KIF16B: variants seen among roughly 807,000 people sequenced by gnomAD.
KIF16B encodes the protein kinesin family member 16B.
A neutral mutation model predicts 156.3 loss-of-function variants in KIF16B; 98 were observed. That is an observed-to-expected ratio of 0.63 (90% CI 0.53 to 0.74). The LOEUF is 0.74. Among genes scored for constraint, KIF16B ranks in the 30% least tolerant of loss-of-function variants. The pLI is 0.00. For synonymous variants in KIF16B, 564 were observed against 583.7 expected (o/e 0.97, Z 0.49); for missense variants, 1,421 against 1,606.5 (o/e 0.88, Z 1.97).
At chr20:16,294,238 C>T (rs1282626737) in intron 25 of KIF16B, among the ~76,000 whole-genome samples, 2 of 152,140 alleles carry the variant, frequency 1.3e-5, no homozygotes, top group African/African-American at 4.8e-5. Context: ...AACACATGCA[C>T]AGAAAAACAG....
intron 3 of KIF16B, among the ~76,000 whole-genome samples, chr20:16,520,217 G>A (rs183217570): frequency 6.6e-6 from 1 of 152,002 alleles, no homozygotes; most frequent in Non-Finnish European, 1.5e-5. Flanking sequence ...AAGCCAGGGA[G>A]CCAAGTGGTC....
intron 12 of KIF16B, among the ~76,000 whole-genome samples, chr20:16,464,699 C>T (rs2067439004): frequency 6.6e-6 from 1 of 152,288 alleles, no homozygotes; most frequent in East Asian, 1.9e-4. Context: ...CAGGCATATA[C>T]TCCAAGTTCC....
rs533061414 is a variant in KIF16B, at chr20:16,488,634, T to A, written c.1302+5657A>T. Among the ~76,000 whole-genome samples the A allele has an allele frequency of 3.3e-5, 5 of 152,260 alleles. No individual in the cohort carries two copies. The East Asian group carries it at 9.7e-4, about 29-fold the overall frequency. ...TACACAGGGCAGGGGGATTGAGTAG[T>A]CACTTTGTAAACCACTTCAAACACC... On this transcript the variant is annotated intron_variant, in intron 12 of 25. Transcript: ENST00000354981.
intron 25 of KIF16B, among the ~76,000 whole-genome samples, chr20:16,305,111 T>C (rs1208353736): frequency 6.6e-6 from 1 of 152,124 alleles, no homozygotes. Context: ...ACAATGCCTA[T>C]AAACTCTGGG....
At position 16,440,530 on chromosome 20, in the gene KIF16B, C is replaced by T. The variant is rs545220628; in HGVS notation, c.1303-10548G>A. Among the ~76,000 whole-genome samples, 196 of 87,684 alleles carry T rather than the reference C, an allele frequency of 2.2e-3. 1 individual carries two copies. Among genetic ancestry groups the T allele is most frequent in the African/African-American group, 6.0e-3 (121 of 20,094 alleles). 57.5% of individuals were successfully genotyped at this position (87,684 alleles called of 152,430 possible). A position where few individuals can be genotyped will look rare whatever the true frequency, so the allele number is the denominator to read the frequency against. Reference sequence around the variant, plus strand: ...TACCTATGGTTAAAACACACAAGCGCGCGCACACACACACACACACACACA... The same window carrying T: ...TACCTATGGTTAAAACACACAAGCGTGCGCACACACACACACACACACACA... On this transcript the variant is annotated intron_variant, in intron 12 of 25. Transcript: ENST00000354981.
rs144488274 is a variant in KIF16B at position 16,439,236 on chromosome 20, C to T, written c.1303-9254G>A. Among the ~76,000 whole-genome samples, 485 of 152,280 alleles carry T rather than the reference C, an allele frequency of 3.2e-3. 3 individuals carry two copies. The highest frequency in any genetic ancestry group is 0.02 in the East Asian group (106 of 5,172). On this transcript the variant is annotated intron_variant, in intron 12 of 25. Coordinates refer to ENST00000354981, the MANE Select transcript of KIF16B (RefSeq NM_024704.5). ...ACTGCTACTGCCCTGGTCCCAGTAA[C>T]CTTCACAGCCTGCCTGAATCTCTGA...
intron 17 of KIF16B, among the ~76,000 whole-genome samples, chr20:16,391,570 C>T (rs903537241): frequency 6.6e-6 from 1 of 152,180 alleles, no homozygotes; most frequent in Non-Finnish European, 1.5e-5. Context: ...ACATTCAGGA[C>T]AGAGCTGCAT....
chr20:16,379,484 C>T lies in KIF16B; in HGVS notation c.2518G>A (p.Glu840Lys). The change falls in exon 19 of 26, where the codon GAG (glutamate) becomes AAG (lysine). Residue 840 changes from glutamate to lysine, a missense_variant. Transcript: ENST00000354981. The stretch of plus-strand genomic sequence containing the variant: ...TCTTTCTGCTGAACCAGGTCCTTCT[C>T]CAAGTTCACTAGCTTGACAAGCTGC... ...RRQLVKLVNL[E>K]KDLVQQKDIL... is the part of the protein sequence containing the mutation. 1.2e-6 allele frequency: 2 copies of T among 1,614,176 alleles called. No individual in the cohort carries two copies. The highest frequency in any genetic ancestry group is 1.7e-6 in the Non-Finnish European group (2 of 1,180,040).
At chr20:16,367,234 C>T (rs1221527015) in intron 22 of KIF16B, 2 of 1,612,716 alleles carry the variant, frequency 1.2e-6, no homozygotes, top group African/African-American at 2.7e-5. Flanking sequence ...GACATTCTGA[C>T]TGCCTTGAAG....
intron 15 of KIF16B, among the ~76,000 whole-genome samples, chr20:16,425,924 T>A (rs1336057032): frequency 2.0e-5 from 3 of 152,066 alleles, no homozygotes; most frequent in East Asian, 3.9e-4. Flanking sequence ...TCAGGAAACT[T>A]ACAGTCACGG....
At position 16,534,260 on chromosome 20, in the gene KIF16B, A is replaced by AT. The variant is rs2069870497; in HGVS notation, c.48-5821_48-5820insA. Among the ~76,000 whole-genome samples the AT allele has an allele frequency of 3.3e-5, 5 of 150,814 alleles. No homozygotes were observed. The South Asian group carries it at 8.4e-4, about 25-fold the overall frequency. On this transcript the variant is annotated intron_variant, in intron 1 of 25. Transcript: ENST00000354981. ...AAAGAGCAAAGCTCTGTCTCAAATA[A>AT]AAAAAAAAAATTAATCTAAAATTAC...
chr20:16,568,927 T>C (rs916306485), intron 1 of KIF16B, among the ~76,000 whole-genome samples: 2 of 149,738 alleles, frequency 1.3e-5, no homozygotes, highest in Non-Finnish European at 3.0e-5. Context: ...TCTGAATGTT[T>C]GTCTCCCCCT....
intron 17 of KIF16B, among the ~76,000 whole-genome samples, chr20:16,388,305 T>G (rs2065275022): frequency 1.3e-5 from 2 of 152,188 alleles, no homozygotes; most frequent in South Asian, 4.1e-4. Context: ...TACTCCAAAA[T>G]GCACCTATTT....
chr20:16,403,700 A>G (rs1000605090), intron 17 of KIF16B, among the ~76,000 whole-genome samples: 64 of 152,320 alleles, frequency 4.2e-4, no homozygotes, highest in Admixed American at 4.2e-3. Flanking sequence ...TGGCCCATAA[A>G]ATGAGGAATC....
At chr20:16,405,004 G>A (rs1221700090) in intron 16 of KIF16B, 103 bp from the exon 17 acceptor site, 1 of 764,684 alleles carries the variant, frequency 1.3e-6, no homozygotes, top group Non-Finnish European at 2.2e-6. Context: ...AGGTGCACAT[G>A]CTCCTAATTA....
chr20:16,420,890 A>G (rs528758084), intron 15 of KIF16B, among the ~76,000 whole-genome samples: 2 of 152,276 alleles, frequency 1.3e-5, no homozygotes, highest in Admixed American at 6.5e-5. Flanking sequence ...CTAGGGCTGC[A>G]GGTATGACCT....
chr20:16,455,492 G>A (rs1168090227), intron 12 of KIF16B, among the ~76,000 whole-genome samples: 1 of 152,112 alleles, frequency 6.6e-6, no homozygotes, highest in Admixed American at 6.6e-5. Flanking sequence ...AAGGAGGAAG[G>A]GATGACAAAC....
At chr20:16,468,926 C>T (rs961913719) in intron 12 of KIF16B, among the ~76,000 whole-genome samples, 4 of 152,204 alleles carry the variant, frequency 2.6e-5, no homozygotes, top group African/African-American at 9.6e-5. Context: ...TTCACCAAGA[C>T]AGACCATATT....
rs577908255 is a variant in KIF16B, at chr20:16,343,224, A to C, written c.3622-7209T>G. Among the ~76,000 whole-genome samples, 8 of 152,334 alleles carry C rather than the reference A, an allele frequency of 5.3e-5. No individual in the cohort carries two copies. The South Asian group carries it at 1.2e-3, about 24-fold the overall frequency. Reference sequence around the variant, plus strand: ...CATAAAATGATCAAGCGCAACTTAAACGCCATAAACATGTCCTCAAGATGG... The same window carrying C: ...CATAAAATGATCAAGCGCAACTTAACCGCCATAAACATGTCCTCAAGATGG... On this transcript the variant is annotated intron_variant, in intron 23 of 25. Coordinates refer to ENST00000354981, the MANE Select transcript of KIF16B (RefSeq NM_024704.5).
Sources: gnomAD v4.1 joint callset for allele counts (sites outside exome capture counted in the v4.1 genomes callset) on GRCh38, gnomAD v4.1.1 for gene constraint, MANE v1.5 for transcripts, NCBI Gene and HGNC (gene_info 2026-07-23, HGNC 2026-07-21) for gene names.